CSMD1: variants seen among roughly 807,000 people sequenced by gnomAD.
The protein encoded by CSMD1 is CUB and sushi domain-containing protein 1.
A neutral mutation model predicts 417.5 loss-of-function variants in CSMD1; 213 were observed. That is an observed-to-expected ratio of 0.51 (90% CI 0.46 to 0.57). The LOEUF is 0.57. Ranked by LOEUF, CSMD1 falls within the 20% of genes least tolerant of loss-of-function variation. The probability of loss-of-function intolerance (pLI) is 0.00; values close to 1 mark genes in which losing one functional copy is unlikely to be tolerated. For synonymous variants in CSMD1, 2,862 were observed against 1,736.8 expected (o/e 1.65, Z -16.11); for missense variants, 6,923 against 4,529.7 (o/e 1.53, Z -15.17).
chr8:3,090,421 G>C (rs185969800), intron 48 of CSMD1, among the ~76,000 whole-genome samples: 1 of 151,230 alleles, frequency 6.6e-6, no homozygotes, highest in Non-Finnish European at 1.5e-5. Context: ...TTGCAGCAAA[G>C]GTCTGAGTAT....
intron 2 of CSMD1, among the ~76,000 whole-genome samples, chr8:4,614,527 G>A (rs1018903796): frequency 1.3e-5 from 2 of 152,140 alleles, no homozygotes; most frequent in Admixed American, 6.6e-5. Flanking sequence ...TAAGAATTAT[G>A]TAACATAGCA....
chr8:4,058,374 C>T (rs1485967270), intron 3 of CSMD1, among the ~76,000 whole-genome samples: 1 of 152,044 alleles, frequency 6.6e-6, no homozygotes, highest in Non-Finnish European at 1.5e-5. Flanking sequence ...TGATTTTTGT[C>T]CATTGATTTT....
intron 5 of CSMD1, among the ~76,000 whole-genome samples, chr8:3,842,665 G>A (rs796830932): frequency 3.3e-5 from 5 of 151,872 alleles, no homozygotes; most frequent in Non-Finnish European, 7.4e-5. Flanking sequence ...AAATTATGTT[G>A]CATTTCAAAG....
chr8:4,815,554 G>A (rs1222983616), intron 1 of CSMD1, among the ~76,000 whole-genome samples: 1 of 151,766 alleles, frequency 6.6e-6, no homozygotes, highest in Non-Finnish European at 1.5e-5. Flanking sequence ...AAATTAGCCA[G>A]GCATGGTGAC....
At chr8:4,123,062 G>T (rs1282088057) in intron 3 of CSMD1, among the ~76,000 whole-genome samples, 1 of 152,184 alleles carries the variant, frequency 6.6e-6, no homozygotes, top group Non-Finnish European at 1.5e-5. Flanking sequence ...ATTATTAAAA[G>T]CTTTGATGCT....
intron 3 of CSMD1, among the ~76,000 whole-genome samples, chr8:4,195,046 A>G (rs1053909820): frequency 2.0e-5 from 3 of 152,208 alleles, no homozygotes; most frequent in African/African-American, 7.2e-5. Flanking sequence ...CAATTTAAAA[A>G]TTACAAAGCA....
chr8:4,060,969 A>G (rs1216502326), intron 3 of CSMD1, among the ~76,000 whole-genome samples: 1 of 152,236 alleles, frequency 6.6e-6, no homozygotes, highest in Non-Finnish European at 1.5e-5. Context: ...GAGGAAAGAG[A>G]TAAGACAAGC....
At chr8:4,572,280 C>A (rs930461975) in intron 2 of CSMD1, among the ~76,000 whole-genome samples, 2 of 152,134 alleles carry the variant, frequency 1.3e-5, no homozygotes, top group Non-Finnish European at 2.9e-5. Context: ...ATATTTAGTG[C>A]TTCCTTCAGG....
chr8:4,232,678 A>G (rs1801814423), intron 3 of CSMD1, among the ~76,000 whole-genome samples: 1 of 152,120 alleles, frequency 6.6e-6, no homozygotes. Flanking sequence ...ACTCTCACCT[A>G]AACTGAAGGA....
At chr8:4,574,531 G>C (rs1343823135) in intron 2 of CSMD1, among the ~76,000 whole-genome samples, 1 of 152,182 alleles carries the variant, frequency 6.6e-6, no homozygotes, top group African/African-American at 2.4e-5. Flanking sequence ...TTCTGTGATG[G>C]TCTCACTGGG....
intron 3 of CSMD1, among the ~76,000 whole-genome samples, chr8:4,310,229 C>A (rs570593876): frequency 6.6e-6 from 1 of 152,226 alleles, no homozygotes; most frequent in African/African-American, 2.4e-5. Context: ...CAGGAATTAG[C>A]AATTAACTTA....
chr8:3,816,186 G>T (rs1036602344), intron 5 of CSMD1, among the ~76,000 whole-genome samples: 3 of 152,114 alleles, frequency 2.0e-5, no homozygotes, highest in Non-Finnish European at 4.4e-5. Context: ...TGTGCTCTCT[G>T]CATCTGGGAG....
intron 3 of CSMD1, among the ~76,000 whole-genome samples, chr8:4,045,899 T>G (rs545874290): frequency 1.3e-5 from 2 of 152,074 alleles, no homozygotes; most frequent in East Asian, 3.9e-4. Context: ...TCTATGCTGG[T>G]GAACACACAC....
chr8:4,042,766 G>A (rs1797955414), intron 3 of CSMD1, among the ~76,000 whole-genome samples: 1 of 138,500 alleles, frequency 7.2e-6, no homozygotes, highest in African/African-American at 2.7e-5. Flanking sequence ...AGAAAGGAGA[G>A]CACATTGCTG....
intron 1 of CSMD1, among the ~76,000 whole-genome samples, chr8:4,950,962 TA>T (rs372854180): frequency 0.065 from 9,236 of 141,676 alleles, 488 homozygotes; most frequent in African/African-American, 0.16. Context: ...AGACTTGTGG[TA>T]AAAAAAACAA....
intron 2 of CSMD1, among the ~76,000 whole-genome samples, chr8:4,483,940 TGTC>T (rs1222138625): frequency 2.0e-5 from 3 of 152,194 alleles, no homozygotes; most frequent in East Asian, 1.9e-4. Flanking sequence ...TGTTGTATAA[TGTC>T]GTTGTCTCTC....
chr8:3,503,450 T>A (rs908041802), intron 10 of CSMD1, among the ~76,000 whole-genome samples: 3 of 152,194 alleles, frequency 2.0e-5, no homozygotes, highest in Admixed American at 1.3e-4. Context: ...AAAGCGCAAT[T>A]CCTCTAAAAC....
intron 3 of CSMD1, among the ~76,000 whole-genome samples, chr8:4,115,993 T>G (rs1318858868): frequency 6.7e-6 from 1 of 149,428 alleles, no homozygotes; most frequent in Non-Finnish European, 1.5e-5. Context: ...TATTTATTTA[T>G]TTATTTATTT....
At chr8:3,135,638 T>C (rs1041235067) in intron 41 of CSMD1, among the ~76,000 whole-genome samples, 2 of 150,046 alleles carry the variant, frequency 1.3e-5, no homozygotes, top group Admixed American at 6.6e-5. Flanking sequence ...TGAAGTCTGC[T>C]GATCACATTT....
Sources: gnomAD v4.1 joint callset for allele counts (sites outside exome capture counted in the v4.1 genomes callset) on GRCh38, gnomAD v4.1.1 for gene constraint, MANE v1.5 for transcripts, NCBI Gene and HGNC (gene_info 2026-07-23, HGNC 2026-07-21) for gene names.